Variants in CTNNA2 observed in about 807,000 individuals in gnomAD.
CTNNA2 encodes the protein catenin alpha 2.
In CTNNA2, 42 loss-of-function variants were observed where a neutral mutation model predicts 101.0. The observed-to-expected ratio is 0.42, with a 90% CI of 0.32 to 0.54. The LOEUF (loss-of-function observed/expected upper bound fraction) is 0.54. Among genes scored for constraint, CTNNA2 ranks in the 20% least tolerant of loss-of-function variants. The probability of loss-of-function intolerance (pLI) is 0.14; values close to 1 mark genes in which losing one functional copy is unlikely to be tolerated. For missense variants in CTNNA2, 871 were observed against 1,223.1 expected, an observed-to-expected ratio of 0.71 and a Z score of 4.29; for synonymous variants, 450 against 456.4, an observed-to-expected ratio of 0.99 and a Z score of 0.18.
chr2:80,375,720 A>G (rs1675889605), intron 7 of CTNNA2, among the ~76,000 whole-genome samples: 1 of 151,772 alleles, frequency 6.6e-6, no homozygotes, highest in Non-Finnish European at 1.5e-5. Context: ...GCCCGCCACA[A>G]TGCCCAGCTA....
intron 7 of CTNNA2, among the ~76,000 whole-genome samples, chr2:80,391,643 G>C (rs1677529595): frequency 6.6e-6 from 1 of 152,172 alleles, no homozygotes; most frequent in Non-Finnish European, 1.5e-5. Flanking sequence ...AATAGCCTTT[G>C]GCTGCTGAAT....
chr2:79,803,418 T>C (rs1676320959), intron 3 of CTNNA2, among the ~76,000 whole-genome samples: 1 of 152,242 alleles, frequency 6.6e-6, no homozygotes, highest in Non-Finnish European at 1.5e-5. Context: ...TTTCTATAGA[T>C]ATTTGACTAA....
At chr2:80,505,007 A>T (rs1428111599) in intron 9 of CTNNA2, among the ~76,000 whole-genome samples, 1 of 152,216 alleles carries the variant, frequency 6.6e-6, no homozygotes, top group Non-Finnish European at 1.5e-5. Flanking sequence ...CCAGCAGAGC[A>T]CTGGGTCCTT....
At chr2:80,228,186 C>T (rs1236944719) in intron 7 of CTNNA2, among the ~76,000 whole-genome samples, 1 of 152,114 alleles carries the variant, frequency 6.6e-6, no homozygotes, top group Non-Finnish European at 1.5e-5. Context: ...ATTTGGGCTG[C>T]CATAATAAAA....
intron 15 of CTNNA2, among the ~76,000 whole-genome samples, chr2:80,591,794 G>A (rs1245346699): frequency 6.6e-6 from 1 of 152,000 alleles, no homozygotes; most frequent in African/African-American, 2.4e-5. Flanking sequence ...ATTTGATTCA[G>A]TAATCTCAAT....
intron 7 of CTNNA2, among the ~76,000 whole-genome samples, chr2:80,153,102 G>A (rs1703803871): frequency 6.6e-6 from 1 of 152,202 alleles, no homozygotes; most frequent in African/African-American, 2.4e-5. Flanking sequence ...GCCAAATTTA[G>A]CATCCAGGTC....
chr2:80,316,002 A>G (rs2149237640), intron 7 of CTNNA2, among the ~76,000 whole-genome samples: 1 of 152,292 alleles, frequency 6.6e-6, no homozygotes, highest in Middle Eastern at 3.4e-3. Flanking sequence ...GTGATTCATA[A>G]GCCCGCTAAG....
chr2:79,434,894 G>A (rs750858891), intron 4 of CTNNA2, among the ~76,000 whole-genome samples: 4 of 152,110 alleles, frequency 2.6e-5, no homozygotes, highest in Non-Finnish European at 4.4e-5. Context: ...TTCCAGTCCT[G>A]CCCCACATTT....
intron 7 of CTNNA2, among the ~76,000 whole-genome samples, chr2:80,060,702 A>G (rs548743157): frequency 6.6e-6 from 1 of 151,488 alleles, no homozygotes; most frequent in Non-Finnish European, 1.5e-5. Context: ...CTTCCTTTTC[A>G]TCCTTCAAAA....
At chr2:80,533,133 A>G (rs1417778687) in intron 9 of CTNNA2, among the ~76,000 whole-genome samples, 1 of 152,214 alleles carries the variant, frequency 6.6e-6, no homozygotes. Context: ...GTGTGTAGGT[A>G]TCCTCCATCC....
chr2:80,397,115 A>C (rs985170127), intron 8 of CTNNA2, among the ~76,000 whole-genome samples: 19 of 152,230 alleles, frequency 1.2e-4, no homozygotes, highest in Non-Finnish European at 2.1e-4. Context: ...AATAAAAAAC[A>C]ATTACAACTA....
intron 3 of CTNNA2, among the ~76,000 whole-genome samples, chr2:79,759,537 T>G (rs1312267550): frequency 6.9e-6 from 1 of 145,084 alleles, no homozygotes; most frequent in African/African-American, 2.7e-5. Context: ...CCTGGATGTT[T>G]CTTTCCCTAA....
intron 9 of CTNNA2, among the ~76,000 whole-genome samples, chr2:80,525,126 A>G (rs1363256168): frequency 1.3e-5 from 2 of 151,762 alleles, no homozygotes; most frequent in Non-Finnish European, 2.9e-5. Context: ...GAAGCAGAAG[A>G]CAAGCAATGT....
chr2:79,794,893 GTGCGGT>G (rs1288228408), intron 3 of CTNNA2, among the ~76,000 whole-genome samples: 1 of 152,138 alleles, frequency 6.6e-6, no homozygotes, highest in African/African-American at 2.4e-5. Flanking sequence ...ATATGGAGCC[GTGCGGT>G]TGATTTTCAT....
chr2:79,467,552 A>G (rs182715228), intron 4 of CTNNA2, among the ~76,000 whole-genome samples: 1 of 152,312 alleles, frequency 6.6e-6, no homozygotes, highest in East Asian at 1.9e-4. Context: ...CCTTGAGAAG[A>G]GCAACTCCAA....
chr2:80,177,387 C>T (rs543523847), intron 7 of CTNNA2, among the ~76,000 whole-genome samples: 4 of 152,296 alleles, frequency 2.6e-5, no homozygotes, highest in African/African-American at 9.6e-5. Flanking sequence ...GTATACTCAA[C>T]CTGCCACCAA....
intron 3 of CTNNA2, among the ~76,000 whole-genome samples, chr2:79,753,486 T>C (rs960127532): frequency 2.6e-5 from 4 of 152,214 alleles, no homozygotes; most frequent in Non-Finnish European, 1.5e-5. Context: ...TTATTATATC[T>C]CCACATTCTC....
chr2:80,273,356 T>C (rs938201655), intron 7 of CTNNA2, among the ~76,000 whole-genome samples: 2 of 152,068 alleles, frequency 1.3e-5, no homozygotes, highest in Non-Finnish European at 2.9e-5. Context: ...TCCTACCACA[T>C]CCTTTGCTAA....
At chr2:79,341,150 A>G (rs1176481365) in intron 3 of CTNNA2, among the ~76,000 whole-genome samples, 2 of 152,258 alleles carry the variant, frequency 1.3e-5, no homozygotes, top group South Asian at 4.1e-4. Flanking sequence ...TGAGTTAGGA[A>G]CCCAACTCAG....
Sources: gnomAD v4.1 joint callset for allele counts (sites outside exome capture counted in the v4.1 genomes callset) on GRCh38, gnomAD v4.1.1 for gene constraint, MANE v1.5 for transcripts, NCBI Gene and HGNC (gene_info 2026-07-23, HGNC 2026-07-21) for gene names.